Variants in SLC24A2 observed in about 807,000 individuals in gnomAD.
SLC24A2 encodes sodium/potassium/calcium exchanger 2.
Under a neutral mutation model 62.0 loss-of-function variants are expected in SLC24A2, and 36 were observed. That is an observed-to-expected ratio of 0.58 (90% CI 0.44 to 0.77). The LOEUF (loss-of-function observed/expected upper bound fraction) is 0.77. SLC24A2 is among the 30% of genes least tolerant of loss of function. SLC24A2 has a pLI of 0.00. For missense variants in SLC24A2, 846 were observed against 817.9 expected (o/e 1.03, Z -0.42); for synonymous variants, 358 against 294.0 (o/e 1.22, Z -2.23).
chr9:20,124,926 C>G, the SLC24A2 span, among the ~76,000 whole-genome samples: 1 of 152,274 alleles, frequency 6.6e-6, no homozygotes, highest in South Asian at 2.1e-4. Flanking sequence ...ATATGCTGAA[C>G]ACAGCTGGAA....
intron 2 of SLC24A2, among the ~76,000 whole-genome samples, chr9:19,636,343 CTTT>C (rs1818342765): frequency 1.0e-4 from 3 of 29,636 alleles, no homozygotes; most frequent in African/African-American, 4.8e-4. Context: ...TTCTTTCTTT[CTTT>C]CTTTCTTTCT....
the SLC24A2 span, among the ~76,000 whole-genome samples, chr9:20,143,014 A>G: frequency 1.3e-5 from 2 of 152,204 alleles, no homozygotes; most frequent in Non-Finnish European, 2.9e-5. Flanking sequence ...ATATGACTAT[A>G]CACATTTTTA....
intron 8 of SLC24A2, among the ~76,000 whole-genome samples, chr9:19,535,128 T>TC (rs1586909442): frequency 6.6e-6 from 1 of 152,284 alleles, no homozygotes; most frequent in East Asian, 1.9e-4. Flanking sequence ...AGCTTTTTTT[T>TC]CATGTTTGCT....
the SLC24A2 span, among the ~76,000 whole-genome samples, chr9:19,798,142 T>A: frequency 1.3e-5 from 2 of 152,220 alleles, no homozygotes; most frequent in Non-Finnish European, 2.9e-5. Context: ...TCATTTTAGT[T>A]GCTTGAAGTA....
the SLC24A2 span, among the ~76,000 whole-genome samples, chr9:19,999,798 G>A: frequency 6.6e-6 from 1 of 152,104 alleles, no homozygotes; most frequent in Non-Finnish European, 1.5e-5. Flanking sequence ...TTTCATCAGG[G>A]GGACCCAGGA....
chr9:19,885,444 G>A, the SLC24A2 span, among the ~76,000 whole-genome samples: 2 of 152,134 alleles, frequency 1.3e-5, no homozygotes. Flanking sequence ...TATAAAACAT[G>A]TTCACATACA....
At chr9:19,720,562 G>A (rs751103120) in intron 2 of SLC24A2, among the ~76,000 whole-genome samples, 6 of 152,102 alleles carry the variant, frequency 3.9e-5, no homozygotes, top group Admixed American at 3.9e-4. Context: ...TTAAACTGTG[G>A]AACTGCTAGA....
intron 2 of SLC24A2, among the ~76,000 whole-genome samples, chr9:19,736,622 T>C (rs879691776): frequency 1.6e-4 from 25 of 152,096 alleles, no homozygotes; most frequent in Admixed American, 1.6e-3. Context: ...GGAGATCACT[T>C]GAGGCCAGGA....
At chr9:19,591,191 T>G (rs1836538766) in intron 5 of SLC24A2, among the ~76,000 whole-genome samples, 1 of 152,238 alleles carries the variant, frequency 6.6e-6, no homozygotes, top group African/African-American at 2.4e-5. Context: ...TCTACAGCTC[T>G]GCCTGACCTC....
chr9:19,699,912 A>G lies in SLC24A2; in HGVS notation c.931-77613T>C, dbSNP rs913437440. 1.5e-4 allele frequency among the ~76,000 whole-genome samples: 23 copies of G among 152,132 alleles called. 1 individual carries two copies. The highest frequency in any genetic ancestry group is 7.2e-4 in the Admixed American group (11 of 15,272). On this transcript the variant is annotated intron_variant, in intron 2 of 10. Transcript: ENST00000341998. ...AATGACTCAGCCCCTTCTGGTTAGG[A>G]CACACGGGTGCACTAGAGAGGTCCT...
intron 10 of SLC24A2, 86 bp downstream of exon 10, chr9:19,520,808 G>A (rs1043833592): frequency 4.6e-6 from 6 of 1,299,090 alleles, no homozygotes; most frequent in African/African-American, 4.4e-5. Context: ...TAGGTTCAGA[G>A]ATCCTGGTCA....
At position 19,614,676 on chromosome 9, in the gene SLC24A2, C is replaced by G. The variant is rs1033497322; in HGVS notation, c.1078+4908G>C. Among the ~76,000 whole-genome samples, 3 of 151,924 alleles carry G rather than the reference C, an allele frequency of 2.0e-5. No homozygotes were observed. In the South Asian group the frequency reaches 6.2e-4, roughly 32 times the overall value. On this transcript the variant is annotated intron_variant, in intron 4 of 10. Coordinates refer to ENST00000341998, the MANE Select transcript of SLC24A2 (RefSeq NM_020344.4). Reference sequence around the variant, plus strand: ...GGCTAGGTCATATAAAGCCTTGCAGCTTCTGCTTGGTCTTCCTGGAAGGTT... The same window carrying G: ...GGCTAGGTCATATAAAGCCTTGCAGGTTCTGCTTGGTCTTCCTGGAAGGTT...
rs573307561 is a variant in SLC24A2 at position 19,521,038 on chromosome 9, C to T, written c.1592G>A (p.Ser531Asn). ...GATGGTCAGGCCCATAATCTCTTCA[C>T]TGATGCCAATTGTCTCTCCAACCTA... is the stretch of plus-strand genomic sequence containing the variant. Reference protein sequence around the residue: ...AHQVGETIGISEEIMGLTILA... With the variant: ...AHQVGETIGINEEIMGLTILA... The change falls in exon 10 of 11, where the codon AGT becomes AAT. Residue 531 changes from serine to asparagine, a missense_variant. Coordinates refer to ENST00000341998, the MANE Select transcript of SLC24A2 (RefSeq NM_020344.4). 2 of 1,614,106 alleles carry T rather than the reference C, an allele frequency of 1.2e-6. No homozygotes were observed. The highest frequency in any genetic ancestry group is 1.3e-5 in the African/African-American group (1 of 75,054).
the SLC24A2 span, among the ~76,000 whole-genome samples, chr9:20,235,087 G>A: frequency 6.6e-6 from 1 of 152,244 alleles, no homozygotes; most frequent in Non-Finnish European, 1.5e-5. Flanking sequence ...TCCTCTGGAA[G>A]TTTTGTCTCA....
At chr9:20,304,783 G>T in the SLC24A2 span, among the ~76,000 whole-genome samples, 1 of 152,320 alleles carries the variant, frequency 6.6e-6, no homozygotes, top group African/African-American at 2.4e-5. Context: ...CCAAGCTAGA[G>T]AGAGAAGAAA....
the SLC24A2 span, among the ~76,000 whole-genome samples, chr9:20,242,942 T>C: frequency 6.6e-6 from 1 of 152,172 alleles, no homozygotes; most frequent in African/African-American, 2.4e-5. Flanking sequence ...GGTGGTTAAA[T>C]AACCAATCTA....
the SLC24A2 span, among the ~76,000 whole-genome samples, chr9:20,046,830 G>A: frequency 6.6e-6 from 1 of 152,142 alleles, no homozygotes; most frequent in Non-Finnish European, 1.5e-5. Context: ...TTTAAGCAAA[G>A]TTTTTCTCTC....
At chr9:20,130,855 C>G in the SLC24A2 span, among the ~76,000 whole-genome samples, 1 of 151,988 alleles carries the variant, frequency 6.6e-6, no homozygotes, top group Non-Finnish European at 1.5e-5. Context: ...AAAAATCATC[C>G]AAGACTCCTT....
Position 19,577,006 on chromosome 9 carries a change from C to G in SLC24A2, c.1146G>C (p.Lys382Asn). The change falls in exon 6 of 11, where the codon AAG (lysine) becomes AAC (asparagine). Residue 382 changes from lysine to asparagine, a missense_variant. Transcript: ENST00000341998. ...TMTEEGRFRE[K>N]ASILHKIAKK... ...TGGCGATCTTGTGGAGAATTGAAGC[C>G]TTTTCTCTGAACCTCCCTGAAGCAA... is the stretch of plus-strand genomic sequence containing the variant. The G allele has an allele frequency of 6.2e-7, 1 of 1,614,096 alleles. No homozygotes were observed. The highest frequency in any genetic ancestry group is 8.5e-7 in the Non-Finnish European group (1 of 1,179,972).
Sources: allele counts gnomAD v4.1 joint callset (sites outside exome capture counted in the v4.1 genomes callset), GRCh38; gene constraint gnomAD v4.1.1; transcripts MANE v1.5; gene names NCBI Gene and HGNC (gene_info 2026-07-23, HGNC 2026-07-21).